ANKS1B: variants seen among roughly 807,000 people sequenced by gnomAD.
ANKS1B encodes the protein ankyrin repeat and sterile alpha motif domain containing 1B, also known as ankyrin repeat and sterile alpha motif domain-containing protein 1B.
ANKS1B carries 36 observed loss-of-function variants against 148.3 expected under a neutral mutation model. The observed-to-expected ratio is 0.24, with a 90% CI of 0.19 to 0.32. The LOEUF (loss-of-function observed/expected upper bound fraction) is 0.32, where lower values mean the gene tolerates loss of function less well. Among genes scored for constraint, ANKS1B ranks in the 10% least tolerant of loss-of-function variants. The probability of loss-of-function intolerance (pLI) is 1.00; values close to 1 mark genes in which losing one functional copy is unlikely to be tolerated. For missense variants in ANKS1B, 1,157 were observed against 1,542.6 expected, an observed-to-expected ratio of 0.75 and a Z score of 4.19; for synonymous variants, 542 against 560.8, an observed-to-expected ratio of 0.97 and a Z score of 0.47.
chr12:99,398,151 A>C (rs183844947), intron 12 of ANKS1B, among the ~76,000 whole-genome samples: 28 of 152,266 alleles, frequency 1.8e-4, no homozygotes, highest in Non-Finnish European at 1.5e-5. Context: ...GCTTTGATTT[A>C]CATTTTATAA....
At chr12:98,975,518 A>C (rs922287020) in intron 17 of ANKS1B, among the ~76,000 whole-genome samples, 3 of 152,138 alleles carry the variant, frequency 2.0e-5, no homozygotes, top group African/African-American at 7.2e-5. Context: ...GCACGAAATA[A>C]AGTCTCTACC....
rs192704453 is a variant in ANKS1B at position 99,318,038 on chromosome 12, T to G, written c.1757-71174A>C. 1.8e-4 allele frequency among the ~76,000 whole-genome samples: 28 copies of G among 152,314 alleles called. No homozygotes were observed. In the East Asian group the frequency reaches 3.3e-3, roughly 18 times the overall value. On this transcript the variant is annotated intron_variant, in intron 12 of 26. Transcript: ENST00000683438. ...GCCCACTTGATCGTGGTGGATAAGA[T>G]TTTTGATGTGCTGCTGGATTTGGTT...
chr12:99,915,592 G>A (rs907674390), intron 1 of ANKS1B, among the ~76,000 whole-genome samples: 3 of 152,160 alleles, frequency 2.0e-5, no homozygotes, highest in African/African-American at 4.8e-5. Context: ...GTGAATGCAC[G>A]CCATTAAAGG....
intron 1 of ANKS1B, among the ~76,000 whole-genome samples, chr12:99,960,030 C>G (rs550277293): frequency 5.9e-4 from 90 of 152,212 alleles, no homozygotes; most frequent in Non-Finnish European, 9.6e-4. Context: ...ACTGTCATAT[C>G]TGGAAAACAG....
At chr12:99,484,859 G>A (rs1337881131) in intron 10 of ANKS1B, among the ~76,000 whole-genome samples, 1 of 148,924 alleles carries the variant, frequency 6.7e-6, no homozygotes, top group African/African-American at 2.5e-5. Context: ...CCGTTTGTGT[G>A]GAATATCTTT....
chr12:99,825,256 T>G (rs1603067526), intron 2 of ANKS1B, 53 bp downstream of exon 2: 1 of 1,450,904 alleles, frequency 6.9e-7, no homozygotes, highest in Admixed American at 1.8e-5. Flanking sequence ...CATAATTAAC[T>G]TCATCACATG....
intron 17 of ANKS1B, among the ~76,000 whole-genome samples, chr12:98,958,295 C>CA (rs1031441029): frequency 2.0e-5 from 3 of 152,150 alleles, no homozygotes; most frequent in Non-Finnish European, 4.4e-5. Context: ...CTATTATAGT[C>CA]AAAAATCCTG....
At chr12:99,848,509 C>A (rs570635611) in intron 1 of ANKS1B, among the ~76,000 whole-genome samples, 50 of 152,244 alleles carry the variant, frequency 3.3e-4, no homozygotes, top group African/African-American at 1.2e-3. Flanking sequence ...ACAACTGGCA[C>A]AGGGATACAT....
intron 17 of ANKS1B, among the ~76,000 whole-genome samples, chr12:98,869,728 A>T (rs1199491896): frequency 6.6e-6 from 1 of 151,076 alleles, no homozygotes; most frequent in Admixed American, 6.6e-5. Flanking sequence ...TATATATATA[A>T]ACGTTAACAT....
At chr12:99,778,966 T>C (rs2063971458) in intron 6 of ANKS1B, among the ~76,000 whole-genome samples, 1 of 152,166 alleles carries the variant, frequency 6.6e-6, no homozygotes, top group South Asian at 2.1e-4. Context: ...TCCTCTATCA[T>C]ACTTGCAGCC....
chr12:99,504,098 A>G (rs2096683038), intron 10 of ANKS1B, among the ~76,000 whole-genome samples: 1 of 152,204 alleles, frequency 6.6e-6, no homozygotes, highest in Non-Finnish European at 1.5e-5. Context: ...TAAAGCAGCT[A>G]AGTAAGATTT....
chr12:99,260,828 G>A (rs1006909875), intron 12 of ANKS1B, among the ~76,000 whole-genome samples: 4 of 152,150 alleles, frequency 2.6e-5, no homozygotes, highest in Non-Finnish European at 2.9e-5. Flanking sequence ...AAAGATAGCA[G>A]CCAGAGAGCC....
chr12:99,737,622 G>GT (rs1373008302), intron 8 of ANKS1B, among the ~76,000 whole-genome samples: 2 of 151,908 alleles, frequency 1.3e-5, no homozygotes, highest in Non-Finnish European at 2.9e-5. Flanking sequence ...AATAAAAGGT[G>GT]TTTTTTGGCC....
At chr12:99,467,612 T>C (rs1159511985) in intron 10 of ANKS1B, among the ~76,000 whole-genome samples, 2 of 152,152 alleles carry the variant, frequency 1.3e-5, no homozygotes, top group East Asian at 1.9e-4. Context: ...AAAATCAATG[T>C]ACAAAAATCA....
At chr12:99,826,375 T>G (rs2083191904) in intron 1 of ANKS1B, among the ~76,000 whole-genome samples, 1 of 152,168 alleles carries the variant, frequency 6.6e-6, no homozygotes, top group Admixed American at 6.5e-5. Context: ...GAATAGCTAT[T>G]CCAAACAAGG....
intron 12 of ANKS1B, among the ~76,000 whole-genome samples, chr12:99,337,407 T>C (rs1362040786): frequency 6.6e-6 from 1 of 152,100 alleles, no homozygotes; most frequent in Non-Finnish European, 1.5e-5. Flanking sequence ...TTCTCTGTAT[T>C]ATCTTGAATT....
intron 17 of ANKS1B, among the ~76,000 whole-genome samples, chr12:99,027,393 C>G (rs2099949380): frequency 6.6e-6 from 1 of 152,126 alleles, no homozygotes; most frequent in Non-Finnish European, 1.5e-5. Context: ...AGTTATTAAC[C>G]AGTTATCTGA....
chr12:99,537,275 T>C (rs1449314956), intron 9 of ANKS1B, among the ~76,000 whole-genome samples: 1 of 152,130 alleles, frequency 6.6e-6, no homozygotes, highest in Non-Finnish European at 1.5e-5. Context: ...TGGGTATATA[T>C]CCAGCAGTGG....
At chr12:99,304,402 T>C (rs1174499128) in intron 12 of ANKS1B, among the ~76,000 whole-genome samples, 1 of 152,172 alleles carries the variant, frequency 6.6e-6, no homozygotes, top group Non-Finnish European at 1.5e-5. Flanking sequence ...CTCTAGTCTA[T>C]TATATTTTCT....
Sources: allele counts gnomAD v4.1 joint callset (sites outside exome capture counted in the v4.1 genomes callset), GRCh38; gene constraint gnomAD v4.1.1; transcripts MANE v1.5; gene names NCBI Gene and HGNC (gene_info 2026-07-23, HGNC 2026-07-21).